Variants in LGR4 observed in about 807,000 individuals in gnomAD.
The protein encoded by LGR4 is leucine-rich repeat-containing G protein-coupled receptor 4.
Under a neutral mutation model 84.8 loss-of-function variants are expected in LGR4, and 44 were observed. The ratio of observed to expected loss-of-function variants is 0.52; its 90% CI spans 0.41 to 0.67. The LOEUF (loss-of-function observed/expected upper bound fraction) is 0.67. LGR4 is among the 30% of genes least tolerant of loss of function. LGR4 has a pLI of 0.00. For synonymous variants in LGR4, 429 were observed against 434.3 expected, an observed-to-expected ratio of 0.99 and a Z score of 0.15; for missense variants, 1,032 against 1,131.4, an observed-to-expected ratio of 0.91 and a Z score of 1.26.
intron 11 of LGR4, among the ~76,000 whole-genome samples, chr11:27,378,107 T>C (rs1282507666): frequency 6.6e-6 from 1 of 152,178 alleles, no homozygotes; most frequent in African/African-American, 2.4e-5. Context: ...AATTGCCCCA[T>C]GACACATTTC....
chr11:27,395,963 C>T (rs948362181), intron 2 of LGR4, among the ~76,000 whole-genome samples: 3 of 152,258 alleles, frequency 2.0e-5, no homozygotes, highest in African/African-American at 7.2e-5. Flanking sequence ...AAAAAAATCC[C>T]AAATTCTTTG....
At chr11:27,419,164 T>G (rs1863877097) in intron 1 of LGR4, among the ~76,000 whole-genome samples, 1 of 152,146 alleles carries the variant, frequency 6.6e-6, no homozygotes, top group South Asian at 2.1e-4. Context: ...AAGAAATATT[T>G]GCAAAACATA....
intron 1 of LGR4, among the ~76,000 whole-genome samples, chr11:27,443,878 A>G (rs1293434455): frequency 6.6e-6 from 1 of 152,212 alleles, no homozygotes; most frequent in East Asian, 1.9e-4. Flanking sequence ...CACCTCTGTT[A>G]ATCACGAACA....
Position 27,472,249 on chromosome 11 carries a change from C to A in LGR4, c.54G>T (p.Ser18=). 7.6e-7 allele frequency: 1 copy of A among 1,319,344 alleles called. No individual in the cohort carries two copies. The highest frequency in any genetic ancestry group is 2.0e-5 in the South Asian group (1 of 50,478). 81.7% of individuals were successfully genotyped at this position (1,319,344 alleles called of 1,614,324 possible). ...LCFLALGLLG[S]AGPSGAAPPL... ...GCGGCGCCGCGCCGCTGGGCCCGGC[C>A]GAGCCGAGCAGCCCCAGGGCGAGGA... Residue 18 remains serine (S), a synonymous_variant, in exon 1 of 18, where the codon TCG becomes TCT. Transcript: ENST00000379214.
At chr11:27,396,132 T>C (rs903199919) in intron 2 of LGR4, among the ~76,000 whole-genome samples, 1 of 152,178 alleles carries the variant, frequency 6.6e-6, no homozygotes, top group Non-Finnish European at 1.5e-5. Flanking sequence ...TGCTTGTACA[T>C]GAAGGAGCCA....
chr11:27,389,885 G>A (rs900059029), intron 4 of LGR4, among the ~76,000 whole-genome samples: 4 of 152,170 alleles, frequency 2.6e-5, no homozygotes, highest in Admixed American at 2.6e-4. Flanking sequence ...CCAATTAGCT[G>A]TGGTGAAAAA....
At chr11:27,406,167 C>T (rs1181742866) in intron 2 of LGR4, among the ~76,000 whole-genome samples, 1 of 152,142 alleles carries the variant, frequency 6.6e-6, no homozygotes, top group Non-Finnish European at 1.5e-5. Flanking sequence ...CCCCTCTAGG[C>T]TCTCCAGAAA....
At chr11:27,444,442 A>G (rs906751850) in intron 1 of LGR4, among the ~76,000 whole-genome samples, 2 of 152,252 alleles carry the variant, frequency 1.3e-5, no homozygotes, top group Admixed American at 6.5e-5. Flanking sequence ...ACAGCAAAAC[A>G]TGAAATATTC....
intron 2 of LGR4, among the ~76,000 whole-genome samples, chr11:27,393,291 T>C (rs1024910256): frequency 6.6e-6 from 1 of 152,124 alleles, no homozygotes; most frequent in Non-Finnish European, 1.5e-5. Flanking sequence ...TTCACATAAG[T>C]TAACTTGTAG....
intron 2 of LGR4, among the ~76,000 whole-genome samples, chr11:27,405,300 T>G (rs1863584146): frequency 6.6e-6 from 1 of 152,140 alleles, no homozygotes; most frequent in Admixed American, 6.5e-5. Context: ...CTGCCCCAGT[T>G]CTCCTGCTCC....
At chr11:27,447,867 T>C (rs538359815) in intron 1 of LGR4, among the ~76,000 whole-genome samples, 2 of 152,326 alleles carry the variant, frequency 1.3e-5, no homozygotes, top group Admixed American at 1.3e-4. Flanking sequence ...TTTTTAAAAA[T>C]ATATGTACAA....
At chr11:27,439,595 G>A (rs1864267489) in intron 1 of LGR4, among the ~76,000 whole-genome samples, 1 of 152,148 alleles carries the variant, frequency 6.6e-6, no homozygotes, top group African/African-American at 2.4e-5. Context: ...ATATACCCAG[G>A]AGTGAAATTG....
intron 1 of LGR4, among the ~76,000 whole-genome samples, chr11:27,424,763 TTTGAGACGGAGTTTCACTC>T (rs1167593038): frequency 6.6e-6 from 1 of 152,160 alleles, no homozygotes; most frequent in Non-Finnish European, 1.5e-5. Context: ...TTTGTTTGTT[TTTGAGACGGAGTTTCACTC>T]TTGTCACCCA....
At chr11:27,392,654 C>T (rs1383139699) in intron 2 of LGR4, 136 bp from the exon 3 acceptor site, 4 of 696,234 alleles carry the variant, frequency 5.7e-6, no homozygotes, top group East Asian at 2.8e-5. Flanking sequence ...TAAACGTGGA[C>T]TTAAACCCTT....
intron 13 of LGR4, among the ~76,000 whole-genome samples, chr11:27,374,756 G>T (rs1478681): frequency 0.99 from 150,766 of 152,288 alleles, 74,646 homozygotes; most frequent in East Asian, 1. Flanking sequence ...CAGCTTCTTA[G>T]TGTCACTTAT....
Position 27,391,111 on chromosome 11 carries a change from C to T in LGR4, c.384G>A (p.Leu128=), listed in dbSNP as rs772965370. 13 of 1,608,022 alleles carry T rather than the reference C, an allele frequency of 8.1e-6. No homozygotes were observed. Among genetic ancestry groups the T allele is most frequent in the Middle Eastern group, 3.3e-4 (2 of 6,036 alleles). Residue 128 remains leucine, a synonymous_variant, in exon 4 of 18, where the codon CTG becomes CTA. Coordinates refer to ENST00000379214, the MANE Select transcript of LGR4 (RefSeq NM_018490.5). ...KTVPSEAIRG[L]SALQSLRLDA... is the part of the protein sequence containing the mutation. ...TTACTTACAAAGACTGCAAAGCACT[C>T]AGCCCTCGAATGGCTTCACTGGGTA...
chr11:27,374,938 T>C (rs1214551791), intron 13 of LGR4, among the ~76,000 whole-genome samples: 1 of 152,060 alleles, frequency 6.6e-6, no homozygotes, highest in Non-Finnish European at 1.5e-5. Context: ...AAAAACTGTA[T>C]TCAATATATG....
intron 3 of LGR4, among the ~76,000 whole-genome samples, 165 bp downstream of exon 3, chr11:27,392,282 G>T (rs965091866): frequency 6.6e-6 from 1 of 151,948 alleles, no homozygotes; most frequent in Non-Finnish European, 1.5e-5. Flanking sequence ...CTAGATGCAG[G>T]GTTGCCTAAA....
At chr11:27,448,243 G>A (rs886632805) in intron 1 of LGR4, among the ~76,000 whole-genome samples, 1 of 151,042 alleles carries the variant, frequency 6.6e-6, no homozygotes, top group Non-Finnish European at 1.5e-5. Context: ...TTAGAATCAT[G>A]TTTAAATTAG....
Sources: gnomAD v4.1 joint callset for allele counts (sites outside exome capture counted in the v4.1 genomes callset) on GRCh38, gnomAD v4.1.1 for gene constraint, MANE v1.5 for transcripts, NCBI Gene and HGNC (gene_info 2026-07-23, HGNC 2026-07-21) for gene names.